Variants in FLT1 observed in about 807,000 individuals in gnomAD.
FLT1 encodes the protein vascular endothelial growth factor receptor 1.
A neutral mutation model predicts 156.3 loss-of-function variants in FLT1; 49 were observed. The observed-to-expected ratio is 0.31, with a 90% confidence interval of 0.25 to 0.40. The LOEUF (loss-of-function observed/expected upper bound fraction) is 0.40. FLT1 is among the 10% of genes least tolerant of loss of function. The probability of loss-of-function intolerance (pLI) is 1.00; values close to 1 mark genes in which losing one functional copy is unlikely to be tolerated. For synonymous variants in FLT1, 594 were observed against 583.8 expected (o/e 1.02, Z -0.25); for missense variants, 1,322 against 1,637.2 (o/e 0.81, Z 3.32).
intron 1 of FLT1, among the ~76,000 whole-genome samples, chr13:28,481,462 C>CACAT (rs1455870201): frequency 3.8e-4 from 58 of 151,740 alleles, no homozygotes; most frequent in African/African-American, 1.3e-3. Context: ...CACACACACA[C>CACAT]ACACACACAC....
chr13:28,391,856 A>C (rs529470634), intron 12 of FLT1, among the ~76,000 whole-genome samples: 1 of 152,180 alleles, frequency 6.6e-6, no homozygotes, highest in African/African-American at 2.4e-5. Context: ...AGGATTTTAA[A>C]AAGTCTGCCG....
At position 28,417,346 on chromosome 13, in the gene FLT1, C is replaced by T. The variant is rs921031242; in HGVS notation, c.1436+9813G>A. ...ACTGCATCACATCTTTGTCCCTCTC[C>T]CCTTCCATTTAACTTTCCAAGATCT... is the stretch of plus-strand genomic sequence containing the variant. On this transcript the variant is annotated intron_variant, in intron 10 of 29. Transcript: ENST00000282397. 4.6e-5 allele frequency among the ~76,000 whole-genome samples: 7 copies of T among 151,916 alleles called. No individual in the cohort carries two copies. In the South Asian group the frequency reaches 1.0e-3, roughly 23 times the overall value.
chr13:28,399,308 G>A (rs927820461), intron 11 of FLT1, among the ~76,000 whole-genome samples: 2 of 152,112 alleles, frequency 1.3e-5, no homozygotes, highest in East Asian at 1.9e-4. Context: ...ATCCTAATGG[G>A]CCTCAGGAGA....
chr13:28,322,757 C>G lies in FLT1; in HGVS notation c.2953+33G>C. On this transcript the variant is annotated intron_variant, in intron 21 of 29. Transcript: ENST00000282397. This position sits in a 1 kb window ranked among gnomAD's most constrained non-coding sequence, Gnocchi z 4.3. ...TGCATAGTATGTTGTAAAAATATCT[C>G]AGCGCGTAGGACAGGAAGGAATTAA... is the stretch of plus-strand genomic sequence containing the variant. The G allele has an allele frequency of 6.2e-7, 1 of 1,605,876 alleles. No homozygotes were observed. Among genetic ancestry groups the G allele is most frequent in the South Asian group, 1.1e-5 (1 of 90,884 alleles).
chr13:28,308,962 A>G, intron 27 of FLT1, 35 bp from the exon 28 acceptor site: 1 of 1,303,238 alleles, frequency 7.7e-7, no homozygotes, highest in Non-Finnish European at 1.1e-6. Context: ...TCAAGACAGG[A>G]AAAGGCATCC....
chr13:28,395,860 G>A (rs1416956466), intron 12 of FLT1, among the ~76,000 whole-genome samples: 4 of 152,194 alleles, frequency 2.6e-5, no homozygotes, highest in Admixed American at 2.6e-4. Context: ...TGATTAAACT[G>A]TTACAAAGTT....
intron 11 of FLT1, among the ~76,000 whole-genome samples, chr13:28,403,677 T>G (rs957348452): frequency 1.3e-5 from 2 of 152,256 alleles, no homozygotes; most frequent in Non-Finnish European, 2.9e-5. Context: ...AATGGCATCT[T>G]GACATTTTTC....
At chr13:28,353,402 G>GT (rs1872790726) in intron 15 of FLT1, among the ~76,000 whole-genome samples, 1 of 151,640 alleles carries the variant, frequency 6.6e-6, no homozygotes, top group South Asian at 2.1e-4. Context: ...GTGAGACCCC[G>GT]TCTCTACTAA....
intron 1 of FLT1, among the ~76,000 whole-genome samples, chr13:28,469,058 A>T (rs1880008328): frequency 6.6e-6 from 1 of 151,678 alleles, no homozygotes; most frequent in South Asian, 2.1e-4. Flanking sequence ...CCTCTTCTTC[A>T]CCAGCCTCCT....
At chr13:28,368,478 C>T in intron 14 of FLT1, 2 of 1,508,456 alleles carry the variant, frequency 1.3e-6, no homozygotes, top group Admixed American at 4.0e-5. Flanking sequence ...ATTGTCTTGG[C>T]TCTCCAACTA....
At chr13:28,346,244 A>T (rs1565979963) in intron 15 of FLT1, 1 of 152,462 alleles carries the variant, frequency 6.6e-6, no homozygotes, top group South Asian at 2.1e-4. Flanking sequence ...CAGAGATCAA[A>T]AGCTGAGCAC....
chr13:28,319,350 C>A, intron 24 of FLT1, 73 bp downstream of exon 24: 1 of 1,033,094 alleles, frequency 9.7e-7, no homozygotes, highest in Non-Finnish European at 1.5e-6. Context: ...GGCTGTCTAA[C>A]CAAAGGACAT....
At chr13:28,476,628 T>C (rs1292325803) in intron 1 of FLT1, among the ~76,000 whole-genome samples, 1 of 152,206 alleles carries the variant, frequency 6.6e-6, no homozygotes, top group Non-Finnish European at 1.5e-5. Flanking sequence ...TTTGCCATTC[T>C]AAGTAATCCT....
At chr13:28,453,405 A>G (rs183355274) in intron 3 of FLT1, among the ~76,000 whole-genome samples, 6 of 152,176 alleles carry the variant, frequency 3.9e-5, no homozygotes, top group South Asian at 2.1e-4. Flanking sequence ...CTACAGGCGT[A>G]AGCCACCACG....
intron 15 of FLT1, among the ~76,000 whole-genome samples, chr13:28,355,408 T>C (rs1210472718): frequency 6.6e-6 from 1 of 152,180 alleles, no homozygotes; most frequent in Non-Finnish European, 1.5e-5. Flanking sequence ...GATACAAAGA[T>C]ATGTCAGACA....
Position 28,447,200 on chromosome 13 carries a change from T to G in FLT1, c.389-8855A>C, listed in dbSNP as rs1004130385. 2.8e-5 allele frequency among the ~76,000 whole-genome samples: 4 copies of G among 145,028 alleles called. No homozygotes were observed. The East Asian group carries it at 5.8e-4, about 21-fold the overall frequency. The stretch of plus-strand genomic sequence containing the variant: ...ATATATTATATATTTTATATATATT[T>G]GCAAAAGGGTCTCACTTTTCTAGGC... On this transcript the variant is annotated intron_variant, in intron 3 of 29. Coordinates refer to ENST00000282397, the MANE Select transcript of FLT1 (RefSeq NM_002019.4).
intron 3 of FLT1, among the ~76,000 whole-genome samples, chr13:28,464,785 T>C (rs1879762224): frequency 6.6e-6 from 1 of 152,248 alleles, no homozygotes; most frequent in Non-Finnish European, 1.5e-5. Context: ...AAAGCCATGA[T>C]GTCTATTGAA....
chr13:28,331,468 T>C (rs1871927627), intron 18 of FLT1, among the ~76,000 whole-genome samples: 1 of 152,250 alleles, frequency 6.6e-6, no homozygotes, highest in Non-Finnish European at 1.5e-5. Flanking sequence ...TCTCGCTCTG[T>C]CACCCAGGCT....
intron 11 of FLT1, chr13:28,399,057 TG>T (rs1566004019): frequency 6.4e-7 from 1 of 1,550,632 alleles, no homozygotes. Context: ...CGGAAGGAAA[TG>T]GAAGTAGTTG....
Sources: gnomAD v4.1 joint callset for allele counts (sites outside exome capture counted in the v4.1 genomes callset) on GRCh38, gnomAD v4.1.1 for gene constraint, Gnocchi (gnomAD v3.1) non-coding constraint, MANE v1.5 for transcripts, NCBI Gene and HGNC (gene_info 2026-07-23, HGNC 2026-07-21) for gene names.